Variants in FBXO45 observed in about 807,000 individuals in gnomAD.
The protein encoded by FBXO45 is F-box protein 45.
FBXO45 carries 3 observed loss-of-function variants against 25.5 expected under a neutral mutation model. The ratio of observed to expected loss-of-function variants is 0.12; its 90% CI spans 0.05 to 0.30. The LOEUF (loss-of-function observed/expected upper bound fraction) is 0.30. Ranked by LOEUF, FBXO45 falls within the 10% of genes least tolerant of loss-of-function variation. FBXO45 has a pLI of 1.00. For missense variants in FBXO45, 219 were observed against 365.0 expected, an observed-to-expected ratio of 0.60 and a Z score of 3.26; for synonymous variants, 155 against 149.8, an observed-to-expected ratio of 1.03 and a Z score of -0.25.
In FBXO45 at chr3:196,584,402, C is replaced by G; in HGVS notation, c.*84C>G. 8.2e-7 allele frequency: 1 copy of G among 1,214,508 alleles called. No individual in the cohort carries two copies. The highest frequency in any genetic ancestry group is 2.6e-5 in the East Asian group (1 of 38,736). The allele number at this position is 1,214,508 out of a possible 1,614,324, so 75.2% of individuals were successfully genotyped here. A position where few individuals can be genotyped will look rare whatever the true frequency, so the allele number is the denominator to read the frequency against. On this transcript the variant is annotated 3_prime_UTR_variant, in exon 3 of 3. Transcript: ENST00000311630. The surrounding 1 kb of genome is among the most constrained non-coding windows in gnomAD (Gnocchi z 4.3). ...AACCATGAAGTGACTGTCACACATG[C>G]ATGTCCAAGAAACATCCTGAAAACA...
At chr3:196,582,288 C>G (rs1209433281) in intron 2 of FBXO45, among the ~76,000 whole-genome samples, 1 of 152,152 alleles carries the variant, frequency 6.6e-6, no homozygotes, top group East Asian at 1.9e-4. Context: ...TGGGATAATA[C>G]AAATACGACA....
In FBXO45 at chr3:196,569,748, A is replaced by G. The variant is rs1735755441; in HGVS notation, c.318+446A>G. Among the ~76,000 whole-genome samples the G allele has an allele frequency of 6.6e-6, 1 of 152,044 alleles. No individual in the cohort carries two copies. The highest frequency in any genetic ancestry group is 6.6e-5 in the Admixed American group (1 of 15,260). Reference sequence around the variant, plus strand: ...CTCCACGTTTATCTCATCTTTTCCAAGCTCTGATTTTTAACCATTTGTTTT... The same window carrying G: ...CTCCACGTTTATCTCATCTTTTCCAGGCTCTGATTTTTAACCATTTGTTTT... On this transcript the variant is annotated intron_variant, in intron 1 of 2. Coordinates refer to ENST00000311630, the MANE Select transcript of FBXO45 (RefSeq NM_001105573.2). The surrounding 1 kb of genome is among the most constrained non-coding windows in gnomAD (Gnocchi z 4.1).
At chr3:196,581,976 C>T (rs556311021) in intron 2 of FBXO45, among the ~76,000 whole-genome samples, 1 of 152,108 alleles carries the variant, frequency 6.6e-6, no homozygotes, top group African/African-American at 2.4e-5. Flanking sequence ...TTACCCTGTG[C>T]CTTTGTAATA....
At chr3:196,581,251 T>TTTTTTTTTTTTTTTG (rs1736008013) in intron 2 of FBXO45, among the ~76,000 whole-genome samples, 2 of 135,376 alleles carry the variant, frequency 1.5e-5, no homozygotes, top group African/African-American at 6.4e-5. Context: ...TTTTTTTTTT[T>TTTTTTTTTTTTTTTG]GAGACAGTCT....
At chr3:196,579,868 C>A (rs1342754077) in intron 2 of FBXO45, among the ~76,000 whole-genome samples, 1 of 152,106 alleles carries the variant, frequency 6.6e-6, no homozygotes. Flanking sequence ...CTGATTTATT[C>A]TTTTATTATG....
At chr3:196,573,490 C>T (rs761691108) in intron 1 of FBXO45, among the ~76,000 whole-genome samples, 5 of 152,124 alleles carry the variant, frequency 3.3e-5, no homozygotes, top group Non-Finnish European at 5.9e-5. Flanking sequence ...GAGAGGGCAG[C>T]GGTTAGTGCC....
chr3:196,582,071 C>T (rs1736019816), intron 2 of FBXO45, among the ~76,000 whole-genome samples: 1 of 152,254 alleles, frequency 6.6e-6, no homozygotes, highest in South Asian at 2.1e-4. Context: ...TGGAGTTCCT[C>T]CTCTAAGTTT....
chr3:196,576,158 A>G (rs1386503305), intron 1 of FBXO45, among the ~76,000 whole-genome samples: 2 of 152,174 alleles, frequency 1.3e-5, no homozygotes, highest in South Asian at 4.1e-4. Flanking sequence ...AGTGCCAGCG[A>G]ATGGTAAACG....
At chr3:196,570,600 T>C (rs1735803299) in intron 1 of FBXO45, among the ~76,000 whole-genome samples, 2 of 152,130 alleles carry the variant, frequency 1.3e-5, no homozygotes, top group Admixed American at 1.3e-4. Flanking sequence ...TTTTTTTTCA[T>C]GTGAAGCATG....
chr3:196,578,939 G>A (rs551746975), intron 2 of FBXO45, among the ~76,000 whole-genome samples: 1 of 152,064 alleles, frequency 6.6e-6, no homozygotes, highest in African/African-American at 2.4e-5. Context: ...CCTGTATCAC[G>A]GCACATCCAA....
intron 1 of FBXO45, among the ~76,000 whole-genome samples, chr3:196,576,918 G>A (rs1012820695): frequency 1.3e-5 from 2 of 152,130 alleles, no homozygotes; most frequent in Admixed American, 6.6e-5. Flanking sequence ...TTTGATGACA[G>A]CATTGCCCAT....
intron 1 of FBXO45, among the ~76,000 whole-genome samples, chr3:196,572,178 TG>T (rs1489104448): frequency 1.3e-5 from 2 of 152,162 alleles, no homozygotes; most frequent in African/African-American, 4.8e-5. Flanking sequence ...GTAAAGGGTT[TG>T]TACAACATAT....
intron 1 of FBXO45, 139 bp from the exon 2 acceptor site, chr3:196,577,314 C>G (rs1735932343): frequency 4.7e-6 from 3 of 643,308 alleles, no homozygotes; most frequent in African/African-American, 1.8e-5. Flanking sequence ...GAAACTTCAG[C>G]CATTATTTGG....
At chr3:196,573,110 G>T (rs1735855930) in intron 1 of FBXO45, among the ~76,000 whole-genome samples, 1 of 151,568 alleles carries the variant, frequency 6.6e-6, no homozygotes, top group Non-Finnish European at 1.5e-5. Context: ...ATTTTTTTTT[G>T]TAGAGATGTC....
Position 196,586,378 on chromosome 3 carries a change from A to T in FBXO45, c.*2060A>T, listed in dbSNP as rs1292617568. 1 of 152,184 alleles carries T rather than the reference A, an allele frequency of 6.6e-6. No homozygotes were observed. Among genetic ancestry groups the T allele is most frequent in the African/African-American group, 2.4e-5 (1 of 41,432 alleles). The allele number at this position is 152,184 out of a possible 1,614,324, so 9.4% of individuals were successfully genotyped here. A position where few individuals can be genotyped will look rare whatever the true frequency, so the allele number is the denominator to read the frequency against. ...GAGTGGAAAACCGAAACACATGGTT[A>T]TTGCGTATTGGACCTAGAATGAAAT... On this transcript the variant is annotated 3_prime_UTR_variant, in exon 3 of 3. Transcript: ENST00000311630.
At position 196,585,674 on chromosome 3, in the gene FBXO45, TTAA is replaced by T. The variant is rs1371523563; in HGVS notation, c.*1361_*1363del. 1.3e-5 allele frequency: 2 copies of T among 152,242 alleles called. No homozygotes were observed. The highest frequency in any genetic ancestry group is 2.9e-5 in the Non-Finnish European group (2 of 68,040). 9.4% of individuals were successfully genotyped at this position (152,242 alleles called of 1,614,324 possible). On this transcript the variant is annotated 3_prime_UTR_variant, in exon 3 of 3. Transcript: ENST00000311630. ...TTCTCATCACTAAAATGCTTTTGAATTAATAATCCAACCCACATGAGCTGAGAG... is the reference window on the plus strand; with the variant it reads ...TTCTCATCACTAAAATGCTTTTGAATTAATCCAACCCACATGAGCTGAGAG...
chr3:196,578,046 C>CTTTTTTCTTTTTTT (rs1735946491), intron 2 of FBXO45, among the ~76,000 whole-genome samples: 1 of 94,098 alleles, frequency 1.1e-5, no homozygotes, highest in African/African-American at 4.6e-5. Context: ...GAAAAATATT[C>CTTTTTTCTTTTTTT]TTTTTTTTTT....
rs139605663 is a variant in FBXO45, at chr3:196,576,225, C to T, written c.319-1228C>T. ...TCTCTTTGGGCCTCTTGCACTAACT[C>T]GCGGTTGAAATCCCTGAGAAGGACT... On this transcript the variant is annotated intron_variant, in intron 1 of 2. Coordinates refer to ENST00000311630, the MANE Select transcript of FBXO45 (RefSeq NM_001105573.2). 2.0e-5 allele frequency among the ~76,000 whole-genome samples: 3 copies of T among 152,266 alleles called. No individual in the cohort carries two copies. In the East Asian group the frequency reaches 5.8e-4, roughly 29 times the overall value.
chr3:196,569,301 A>T lies in FBXO45; in HGVS notation c.317A>T (p.Lys106Met). 1 of 1,553,184 alleles carries T rather than the reference A, an allele frequency of 6.4e-7. No individual in the cohort carries two copies. Among genetic ancestry groups the T allele is most frequent in the Non-Finnish European group, 8.7e-7 (1 of 1,144,494 alleles). The change falls in exon 1 of 3, where the codon AAG becomes ATG. Residue 106 changes from lysine (K) to methionine (M), a missense_variant and splice_region_variant. This residue lies in a region of FBXO45 where 138 missense variants were observed against 157.3 expected (regional missense o/e 0.88). Coordinates refer to ENST00000311630, the MANE Select transcript of FBXO45 (RefSeq NM_001105573.2). This position sits in a 1 kb window ranked among gnomAD's most constrained non-coding sequence, Gnocchi z 4.1. ...ILCNLPSYKA[K>M]IRAFQHAFST... ...TGCAACCTGCCCAGCTACAAGGCCA[A>T]GGTGAGAGAGCCCCGGGCCACACCG...
Sources: allele counts gnomAD v4.1 joint callset (sites outside exome capture counted in the v4.1 genomes callset), GRCh38; gene constraint gnomAD v4.1.1; regional missense constraint gnomAD v4.1.1; non-coding constraint Gnocchi (gnomAD v3.1); transcripts MANE v1.5; gene names NCBI Gene and HGNC (gene_info 2026-07-23, HGNC 2026-07-21).